The following MYO1B variants were observed in gnomAD, a reference collection of about 807,000 sequenced individuals.
MYO1B encodes the protein myosin IB.
A neutral mutation model predicts 159.7 loss-of-function variants in MYO1B; 72 were observed. The observed-to-expected ratio is 0.45, with a 90% CI of 0.37 to 0.55. MYO1B has a LOEUF of 0.55. Among genes scored for constraint, MYO1B ranks in the 20% least tolerant of loss-of-function variants. MYO1B has a pLI of 0.00. For missense variants in MYO1B, 1,062 were observed against 1,364.8 expected (o/e 0.78, Z 3.50); for synonymous variants, 468 against 473.8 (o/e 0.99, Z 0.16).
chr2:191,344,973 G>C (rs950946464), intron 5 of MYO1B, among the ~76,000 whole-genome samples: 7 of 152,066 alleles, frequency 4.6e-5, no homozygotes, highest in Non-Finnish European at 8.8e-5. Flanking sequence ...ACTTCTGACT[G>C]CTTTCAAAAG....
chr2:191,346,978 C>T (rs927067976), intron 6 of MYO1B, among the ~76,000 whole-genome samples: 31 of 152,270 alleles, frequency 2.0e-4, no homozygotes, highest in African/African-American at 6.7e-4. Flanking sequence ...TGCCTGGATG[C>T]AGCTGCAGGA....
At chr2:191,259,384 A>C (rs988826214) in intron 1 of MYO1B, among the ~76,000 whole-genome samples, 2 of 152,228 alleles carry the variant, frequency 1.3e-5, no homozygotes, top group East Asian at 3.8e-4. Flanking sequence ...CCACTCTAAA[A>C]GTGTCAACTG....
intron 4 of MYO1B, among the ~76,000 whole-genome samples, chr2:191,331,673 C>G (rs1430684934): frequency 6.6e-6 from 1 of 152,190 alleles, no homozygotes. Flanking sequence ...TAGGGACTGT[C>G]CTTGCCCTTA....
At chr2:191,328,412 A>T (rs1691244097) in intron 3 of MYO1B, among the ~76,000 whole-genome samples, 1 of 152,194 alleles carries the variant, frequency 6.6e-6, no homozygotes, top group Non-Finnish European at 1.5e-5. Flanking sequence ...CCTGTGGTCT[A>T]TGCAAAATGC....
chr2:191,415,319 T>C (rs1349876267), intron 29 of MYO1B, among the ~76,000 whole-genome samples: 4 of 152,126 alleles, frequency 2.6e-5, no homozygotes, highest in Non-Finnish European at 5.9e-5. Flanking sequence ...AGTTAACAAA[T>C]ATTGATCATA....
intron 5 of MYO1B, among the ~76,000 whole-genome samples, chr2:191,342,578 G>A (rs1409814671): frequency 1.3e-5 from 2 of 152,192 alleles, no homozygotes; most frequent in African/African-American, 4.8e-5. Flanking sequence ...TGGGCACAGT[G>A]GCTCACACCT....
At chr2:191,360,181 G>A (rs1271714984) in intron 7 of MYO1B, among the ~76,000 whole-genome samples, 1 of 152,164 alleles carries the variant, frequency 6.6e-6, no homozygotes, top group African/African-American at 2.4e-5. Flanking sequence ...TTATAAAAGG[G>A]TTGGGAGGAT....
intron 2 of MYO1B, among the ~76,000 whole-genome samples, chr2:191,279,649 G>T (rs1687938602): frequency 1.3e-5 from 2 of 152,060 alleles, no homozygotes; most frequent in African/African-American, 4.8e-5. Context: ...TTGTTCATGG[G>T]TTGCTGCAAA....
intron 2 of MYO1B, among the ~76,000 whole-genome samples, chr2:191,279,622 A>G (rs1001236349): frequency 6.6e-6 from 1 of 152,124 alleles, no homozygotes; most frequent in African/African-American, 2.4e-5. Context: ...TATCCTGATA[A>G]TACTCCTGCT....
At position 191,315,053 on chromosome 2, in the gene MYO1B, A is replaced by G. The variant is rs905954806; in HGVS notation, c.252-14882A>G. On this transcript the variant is annotated intron_variant, in intron 3 of 30. Coordinates refer to ENST00000392318, the MANE Select transcript of MYO1B (RefSeq NM_001130158.3). ...ATGTTACAGGTGTAAGTGAATGAAC[A>G]AAAATTATCTGGGCAAATTTTTAGC... is the stretch of plus-strand genomic sequence containing the variant. 5.9e-5 allele frequency among the ~76,000 whole-genome samples: 9 copies of G among 152,310 alleles called. No homozygotes were observed. In the South Asian group the frequency reaches 1.9e-3, roughly 32 times the overall value.
At chr2:191,319,666 C>T (rs1213994406) in intron 3 of MYO1B, among the ~76,000 whole-genome samples, 3 of 152,108 alleles carry the variant, frequency 2.0e-5, no homozygotes, top group Non-Finnish European at 4.4e-5. Context: ...GTCAAGACTG[C>T]CCCCAAAATC....
chr2:191,362,444 C>T (rs1055559106), intron 9 of MYO1B, 73 bp downstream of exon 9: 43 of 1,111,120 alleles, frequency 3.9e-5, no homozygotes, highest in Non-Finnish European at 5.3e-6. Context: ...GGTAGCAATT[C>T]TGAGTTTTCT....
chr2:191,263,041 G>A (rs1204448807), intron 1 of MYO1B: 2 of 152,138 alleles, frequency 1.3e-5, no homozygotes, highest in Non-Finnish European at 2.9e-5. Context: ...CAGTAGATGT[G>A]TCTCTCATTC....
chr2:191,410,934 G>A, intron 26 of MYO1B, 132 bp from the exon 27 acceptor site: 1 of 558,850 alleles, frequency 1.8e-6, no homozygotes, highest in Non-Finnish European at 3.1e-6. Flanking sequence ...AATGTTTTTG[G>A]CCTTTTTTAG....
At chr2:191,383,204 T>G (rs2126076567) in intron 14 of MYO1B, 76 bp from the exon 15 acceptor site, 1 of 848,496 alleles carries the variant, frequency 1.2e-6, no homozygotes, top group Non-Finnish European at 1.8e-6. Flanking sequence ...GATAAGATGG[T>G]CAAAGTCTGT....
chr2:191,309,036 C>G (rs1418997040), intron 3 of MYO1B, among the ~76,000 whole-genome samples: 1 of 152,084 alleles, frequency 6.6e-6, no homozygotes, highest in Non-Finnish European at 1.5e-5. Flanking sequence ...CTTCAAATAC[C>G]CTCTGTGTGC....
At chr2:191,249,756 A>C (rs1686002235) in intron 1 of MYO1B, among the ~76,000 whole-genome samples, 1 of 152,186 alleles carries the variant, frequency 6.6e-6, no homozygotes, top group Non-Finnish European at 1.5e-5. Context: ...ATTTATTTCA[A>C]GCTAGGACAC....
In MYO1B at chr2:191,424,979, A is replaced by G. The variant is rs1263325357; in HGVS notation, c.*1019A>G. ...GAAAGGTGATTGGTACAGGGTGCCT[A>G]TTTTAGTCATGGATCAAAATTTGTG... On this transcript the variant is annotated 3_prime_UTR_variant, in exon 31 of 31. Coordinates refer to ENST00000392318, the MANE Select transcript of MYO1B (RefSeq NM_001130158.3). 1 of 152,676 alleles carries G rather than the reference A, an allele frequency of 6.5e-6. No homozygotes were observed. The highest frequency in any genetic ancestry group is 2.1e-4 in the South Asian group (1 of 4,828). 9.5% of individuals were successfully genotyped at this position (152,676 alleles called of 1,614,324 possible).
chr2:191,400,638 G>A (rs1322095522), intron 22 of MYO1B, 111 bp from the exon 23 acceptor site: 102 of 1,373,706 alleles, frequency 7.4e-5, no homozygotes, highest in Non-Finnish European at 8.0e-5. Context: ...ATGCTTTTGC[G>A]TTTACCATTT....
Sources: allele counts gnomAD v4.1 joint callset (sites outside exome capture counted in the v4.1 genomes callset), GRCh38; gene constraint gnomAD v4.1.1; transcripts MANE v1.5; gene names NCBI Gene and HGNC (gene_info 2026-07-23, HGNC 2026-07-21).